The following EML2 variants were observed in gnomAD, a reference collection of about 807,000 sequenced individuals.
EML2 encodes the protein EMAP like 2, also known as echinoderm microtubule-associated protein-like 2.
Under a neutral mutation model 84.7 loss-of-function variants are expected in EML2, and 59 were observed. The ratio of observed to expected loss-of-function variants is 0.70; its 90% CI spans 0.56 to 0.86. EML2 has a LOEUF of 0.86. EML2 is among the 40% of genes least tolerant of loss of function. The pLI is 0.00. For synonymous variants in EML2, 352 were observed against 348.9 expected (o/e 1.01, Z -0.10); for missense variants, 818 against 855.6 (o/e 0.96, Z 0.55).
chr19:45,617,523 ATCAGGGC>A, intron 13 of EML2, 100 bp downstream of exon 13: 2 of 1,014,380 alleles, frequency 2.0e-6, no homozygotes, highest in Non-Finnish European at 2.9e-6. Context: ...ATATTGAGGG[ATCAGGGC>A]TCGGTAAATA....
chr19:45,616,430 C>T lies in EML2; in HGVS notation c.1509+31G>A, dbSNP rs766939226. 3.3e-6 allele frequency: 5 copies of T among 1,529,800 alleles called. No individual in the cohort carries two copies. The South Asian group carries it at 3.6e-5, about 11-fold the overall frequency. The allele number at this position is 1,529,800 out of a possible 1,614,324, so 94.8% of individuals were successfully genotyped here. On this transcript the variant is annotated intron_variant, in intron 15 of 18. Transcript: ENST00000245925. ...ATTTTGCACCCCCTGGGCGGGGTGG[C>T]GGCGCGGGCTGGGGGCCACTGCCCA...
Position 45,609,804 on chromosome 19 carries a change from A to C in EML2, c.1825-16T>G, listed in dbSNP as rs1433762316. ...GGCTGAGGGCCTGTTACAAGGAAAGAAGTAAGTGAAGAAATGTCAGTGGGG... is the reference window on the plus strand; with the variant it reads ...GGCTGAGGGCCTGTTACAAGGAAAGCAGTAAGTGAAGAAATGTCAGTGGGG... On this transcript the variant is annotated splice_polypyrimidine_tract_variant and intron_variant, in intron 18 of 18. Coordinates refer to ENST00000245925, the MANE Select transcript of EML2 (RefSeq NM_012155.4). 1.2e-6 allele frequency: 2 copies of C among 1,610,810 alleles called. No homozygotes were observed. Among genetic ancestry groups the C allele is most frequent in the Non-Finnish European group, 1.7e-6 (2 of 1,178,778 alleles).
intron 13 of EML2, among the ~76,000 whole-genome samples, chr19:45,617,248 C>T (rs919527401): frequency 6.6e-6 from 1 of 150,924 alleles, no homozygotes; most frequent in Non-Finnish European, 1.5e-5. Context: ...TCTGTCCCCC[C>T]AAAAAACAAA....
chr19:45,636,814 T>C (rs1267662748), intron 3 of EML2, among the ~76,000 whole-genome samples: 2 of 152,254 alleles, frequency 1.3e-5, no homozygotes, highest in Non-Finnish European at 2.9e-5. Context: ...TAGCCAGGCA[T>C]GGTGGCCCAT....
chr19:45,626,867 G>C (rs1972402769), intron 7 of EML2, 28 bp from the exon 8 acceptor site: 1 of 1,582,720 alleles, frequency 6.3e-7, no homozygotes, highest in Non-Finnish European at 8.6e-7. Flanking sequence ...GATTCTGAAT[G>C]AGGACCTCAA....
chr19:45,640,299 AC>A (rs1974305269), upstream of EML2: 1 of 151,486 alleles, frequency 6.6e-6, no homozygotes, highest in Non-Finnish European at 1.5e-5. Flanking sequence ...GCTCACTGAA[AC>A]CTCGAATTTC....
intron 3 of EML2, among the ~76,000 whole-genome samples, chr19:45,637,812 G>GT (rs1973947599): frequency 6.6e-6 from 1 of 151,718 alleles, no homozygotes; most frequent in African/African-American, 2.4e-5. Context: ...GAGTAGCTAG[G>GT]TTTACAGGCA....
At chr19:45,625,343 C>A (rs527794732) in intron 8 of EML2, among the ~76,000 whole-genome samples, 28 of 152,334 alleles carry the variant, frequency 1.8e-4, no homozygotes, top group African/African-American at 5.5e-4. Flanking sequence ...CGGGTTCAAG[C>A]GATTCTCCCG....
intron 9 of EML2, chr19:45,623,411 G>C (rs976130221): frequency 2.6e-5 from 4 of 151,998 alleles, no homozygotes; most frequent in Admixed American, 6.6e-5. Flanking sequence ...GTGGGCACCT[G>C]TAGTCCCAGG....
chr19:45,611,499 C>CTTCTTCTTA (rs35553113), intron 18 of EML2, among the ~76,000 whole-genome samples: 3,362 of 149,962 alleles, frequency 0.022, 211 homozygotes, highest in African/African-American at 0.076. Flanking sequence ...TCTTCTTCTT[C>CTTCTTCTTA]TTTTGAGACA....
intron 6 of EML2, among the ~76,000 whole-genome samples, chr19:45,630,759 C>A (rs1293710110): frequency 1.3e-5 from 2 of 152,170 alleles, no homozygotes; most frequent in African/African-American, 4.8e-5. Flanking sequence ...TTGCTGACAT[C>A]ATCTCATTTG....
intron 7 of EML2, 129 bp from the exon 8 acceptor site, chr19:45,626,968 T>C (rs978077010): frequency 8.5e-6 from 8 of 945,172 alleles, no homozygotes; most frequent in Non-Finnish European, 1.2e-5. Context: ...TTCTTTTTTT[T>C]TTTTTTTTCA....
upstream of EML2, among the ~76,000 whole-genome samples, chr19:45,643,362 A>C (rs1206499824): frequency 6.6e-6 from 1 of 152,140 alleles, no homozygotes; most frequent in African/African-American, 2.4e-5. Context: ...TGCAGACCGG[A>C]TTGACAACCA....
At position 45,632,881 on chromosome 19, in the gene EML2, A is replaced by G. The variant is rs200070315; in HGVS notation, c.490T>C (p.Cys164Arg). 2 of 1,614,088 alleles carry G rather than the reference A, an allele frequency of 1.2e-6. No individual in the cohort carries two copies. The highest frequency in any genetic ancestry group is 2.2e-5 in the East Asian group (1 of 44,862). Reference protein sequence around the residue: ...GLGVFDRAVCCVGFSKSNGGN... With the variant: ...GLGVFDRAVCRVGFSKSNGGN... Reference sequence around the variant, plus strand: ...CTTACAGATTTGGAGAAGCCCACACAGCACACGGCTCTGTCAAACACCCCC... The same window carrying G: ...CTTACAGATTTGGAGAAGCCCACACGGCACACGGCTCTGTCAAACACCCCC... The change falls in exon 6 of 19, where the codon TGT (cysteine) becomes CGT (arginine). Residue 164 changes from cysteine (C) to arginine (R), a missense_variant. Cys to Arg is a radical substitution (Grantham distance 180). Coordinates refer to ENST00000245925, the MANE Select transcript of EML2 (RefSeq NM_012155.4).
chr19:45,630,236 A>T (rs917552014), intron 6 of EML2, among the ~76,000 whole-genome samples, 190 bp from the exon 7 acceptor site: 1 of 151,902 alleles, frequency 6.6e-6, no homozygotes, highest in African/African-American at 2.4e-5. Context: ...CCTGTCTCTT[A>T]AACAAAACAA....
At chr19:45,612,977 A>G (rs1970651449) in intron 18 of EML2, among the ~76,000 whole-genome samples, 1 of 151,934 alleles carries the variant, frequency 6.6e-6, no homozygotes, top group South Asian at 2.1e-4. Context: ...GGCTCACTGC[A>G]GCCTCAACCT....
At chr19:45,640,729 A>AT (rs1181537556), upstream of EML2, 1 of 151,444 alleles carries the variant, frequency 6.6e-6, no homozygotes, top group Admixed American at 6.6e-5. Context: ...ATTTATTTTC[A>AT]TTTTTAGTAA....
upstream of EML2, chr19:45,643,672 C>T: frequency 6.5e-7 from 1 of 1,535,970 alleles, no homozygotes; most frequent in Non-Finnish European, 8.7e-7. Flanking sequence ...GCGTGGAGCT[C>T]GCCCCTGCCA....
At chr19:45,642,520 G>C, upstream of EML2, 1 of 1,415,878 alleles carries the variant, frequency 7.1e-7, no homozygotes, top group South Asian at 1.6e-5. Flanking sequence ...ACTCTGAAGG[G>C]GGAAGGAAAT....
Sources: allele counts gnomAD v4.1 joint callset (sites outside exome capture counted in the v4.1 genomes callset), GRCh38; gene constraint gnomAD v4.1.1; transcripts MANE v1.5; gene names NCBI Gene and HGNC (gene_info 2026-07-23, HGNC 2026-07-21).